PIAS4: variants seen among roughly 807,000 people sequenced by gnomAD.
The protein encoded by PIAS4 is E3 SUMO-protein ligase PIAS4.
Under a neutral mutation model 58.0 loss-of-function variants are expected in PIAS4, and 7 were observed. That is an observed-to-expected ratio of 0.12 (90% CI 0.07 to 0.23). The LOEUF is 0.23. Ranked by LOEUF, PIAS4 falls within the 10% of genes least tolerant of loss-of-function variation. The pLI is 1.00. For missense variants in PIAS4, 550 were observed against 709.5 expected, an observed-to-expected ratio of 0.78 and a Z score of 2.55; for synonymous variants, 364 against 312.4, an observed-to-expected ratio of 1.17 and a Z score of -1.74.
At chr19:4,022,176 A>G (rs942022832) in intron 2 of PIAS4, among the ~76,000 whole-genome samples, 5 of 152,174 alleles carry the variant, frequency 3.3e-5, no homozygotes, top group South Asian at 4.1e-4. Context: ...GGATTTGTCC[A>G]TGTCACTAAG....
chr19:4,012,191 GAGGCCCCCAC>G (rs977506561), intron 1 of PIAS4, among the ~76,000 whole-genome samples: 1 of 151,896 alleles, frequency 6.6e-6, no homozygotes, highest in African/African-American at 2.4e-5. Context: ...AGATGTTTCG[GAGGCCCCCAC>G]AGGCCCAGCC....
intron 2 of PIAS4, among the ~76,000 whole-genome samples, chr19:4,016,974 A>C (rs1386406347): frequency 6.6e-6 from 1 of 152,128 alleles, no homozygotes; most frequent in Non-Finnish European, 1.5e-5. Flanking sequence ...TCAGTGAGGA[A>C]ACTGAAGTGC....
chr19:4,008,876 G>T (rs976579464), intron 1 of PIAS4, among the ~76,000 whole-genome samples: 2 of 151,970 alleles, frequency 1.3e-5, no homozygotes, highest in East Asian at 3.9e-4. Flanking sequence ...GATCTCTGGA[G>T]GGTCCCCACT....
intron 2 of PIAS4, chr19:4,018,329 A>G (rs932009866): frequency 4.6e-5 from 7 of 152,164 alleles, no homozygotes; most frequent in Non-Finnish European, 1.0e-4. Context: ...GCTATTTTAT[A>G]ACCACCCCCC....
At chr19:4,031,596 C>T (rs1211213612) in intron 7 of PIAS4, among the ~76,000 whole-genome samples, 1 of 152,062 alleles carries the variant, frequency 6.6e-6, no homozygotes, top group Non-Finnish European at 1.5e-5. Context: ...AGGCTGGGGC[C>T]GGGCAGGCCT....
Position 4,015,721 on chromosome 19 carries a change from G to A in PIAS4, c.454+2372G>A, listed in dbSNP as rs189228215. ...CTGGCCTTGCCCGGGGGCCGCCTCC[G>A]GAGGACCCAGTTCCACCGGCTTCTC... is the stretch of plus-strand genomic sequence containing the variant. On this transcript the variant is annotated intron_variant, in intron 2 of 10. Transcript: ENST00000262971. Among the ~76,000 whole-genome samples, 9 of 152,276 alleles carry A rather than the reference G, an allele frequency of 5.9e-5. No individual in the cohort carries two copies. The East Asian group carries it at 1.2e-3, about 20-fold the overall frequency.
At chr19:4,034,654 C>T (rs1248146897) in intron 9 of PIAS4, among the ~76,000 whole-genome samples, 2 of 152,236 alleles carry the variant, frequency 1.3e-5, no homozygotes, top group African/African-American at 4.8e-5. Flanking sequence ...GACAGCTGTG[C>T]AGCCGGGTGC....
At chr19:4,029,568 A>G (rs1599228794) in intron 7 of PIAS4, among the ~76,000 whole-genome samples, 1 of 148,258 alleles carries the variant, frequency 6.7e-6, no homozygotes, top group Non-Finnish European at 1.5e-5. Context: ...TTTTTTTTTT[A>G]GAGAGTCAGG....
In PIAS4 at chr19:4,035,925, T is replaced by TATACA. The variant is rs1568221739; in HGVS notation, c.1143-1449_1143-1448insATACA. Reference sequence around the variant, plus strand: ...GTCCACACCGTCTCACACACACACCTGCACACATCCATACAGTCCACACCA... The same window carrying TATACA: ...GTCCACACCGTCTCACACACACACCTATACAGCACACATCCATACAGTCCACACCA... On this transcript the variant is annotated intron_variant, in intron 9 of 10. Transcript: ENST00000262971. Among the ~76,000 whole-genome samples, 16 of 1,632 alleles carry TATACA rather than the reference T, an allele frequency of 9.8e-3. No homozygotes were observed. In the South Asian group the frequency reaches 0.15, roughly 16 times the overall value. 1.1% of individuals were successfully genotyped at this position (1,632 alleles called of 152,430 possible). A position where few individuals can be genotyped will look rare whatever the true frequency, so the allele number is the denominator to read the frequency against.
intron 5 of PIAS4, 30 bp downstream of exon 5, chr19:4,028,630 C>T (rs1415922230): frequency 1.9e-6 from 3 of 1,610,618 alleles, no homozygotes; most frequent in Non-Finnish European, 2.5e-6. Context: ...GCGTCGGCTG[C>T]ACGGGTTTGG....
intron 1 of PIAS4, 129 bp from the exon 2 acceptor site, chr19:4,012,794 C>G: frequency 9.6e-7 from 1 of 1,045,336 alleles, no homozygotes. Flanking sequence ...CTCCACCAGC[C>G]CCAGCCAAGG....
rs2040304866 is a variant in PIAS4 at position 4,037,022 on chromosome 19, C to T, written c.1143-352C>T. Among the ~76,000 whole-genome samples the T allele has an allele frequency of 6.6e-6, 1 of 151,794 alleles. No individual in the cohort carries two copies. Among genetic ancestry groups the T allele is most frequent in the Admixed American group, 6.7e-5 (1 of 15,006 alleles). On this transcript the variant is annotated intron_variant, in intron 9 of 10. Coordinates refer to ENST00000262971, the MANE Select transcript of PIAS4 (RefSeq NM_015897.4). The surrounding 1 kb of genome is among the most constrained non-coding windows in gnomAD (Gnocchi z 5.8). ...AGATACACTCACGTCCACACACGCT[C>T]AAACATGCGTGCACACCCGGAGGTG...
chr19:4,030,082 A>G (rs907679703), intron 7 of PIAS4, among the ~76,000 whole-genome samples: 18 of 150,646 alleles, frequency 1.2e-4, no homozygotes, highest in African/African-American at 4.4e-4. Context: ...TCGGCCTCCC[A>G]AAGTGCTGGG....
intron 1 of PIAS4, among the ~76,000 whole-genome samples, chr19:4,012,647 A>G (rs561725096): frequency 1.5e-4 from 23 of 152,236 alleles, no homozygotes; most frequent in African/African-American, 5.3e-4. Context: ...GGCTGAAGAC[A>G]GGGAAAGAGA....
At chr19:4,012,410 G>C (rs2040005089) in intron 1 of PIAS4, among the ~76,000 whole-genome samples, 1 of 152,122 alleles carries the variant, frequency 6.6e-6, no homozygotes, top group Non-Finnish European at 1.5e-5. Context: ...GTTCCCGGCA[G>C]GTGATTAGTA....
chr19:4,010,259 G>A (rs1381135004), intron 1 of PIAS4, among the ~76,000 whole-genome samples: 1 of 152,154 alleles, frequency 6.6e-6, no homozygotes, highest in African/African-American at 2.4e-5. Flanking sequence ...AATCTGAGTC[G>A]TGAACATATG....
At chr19:4,018,296 G>C (rs2040072385) in intron 2 of PIAS4, 1 of 152,322 alleles carries the variant, frequency 6.6e-6, no homozygotes, top group Non-Finnish European at 1.5e-5. Flanking sequence ...GTGATTGTAG[G>C]AATGTGTGGC....
intron 7 of PIAS4, 26 bp downstream of exon 7, chr19:4,029,062 G>T: frequency 3.9e-6 from 6 of 1,533,534 alleles, no homozygotes; most frequent in South Asian, 1.2e-5. Context: ...CACCTCGGCC[G>T]AGGGGTGCCA....
At chr19:4,019,280 G>T (rs1293644321) in intron 2 of PIAS4, among the ~76,000 whole-genome samples, 1 of 152,162 alleles carries the variant, frequency 6.6e-6, no homozygotes, top group African/African-American at 2.4e-5. Context: ...AGCGGCCCGG[G>T]GCCAGTGGCA....
Sources: gnomAD v4.1 joint callset for allele counts (sites outside exome capture counted in the v4.1 genomes callset) on GRCh38, gnomAD v4.1.1 for gene constraint, Gnocchi (gnomAD v3.1) non-coding constraint, MANE v1.5 for transcripts, NCBI Gene and HGNC (gene_info 2026-07-23, HGNC 2026-07-21) for gene names.